Variants in SAR1A observed in about 807,000 individuals in gnomAD.
SAR1A encodes the protein secretion associated Ras related GTPase 1A.
In SAR1A, 6 loss-of-function variants were observed where a neutral mutation model predicts 22.6. The ratio of observed to expected loss-of-function variants is 0.27; its 90% confidence interval spans 0.15 to 0.52. SAR1A has a LOEUF of 0.52. SAR1A is among the 20% of genes least tolerant of loss of function. The pLI, the probability that SAR1A is intolerant of heterozygous loss-of-function variation, is 0.96. For synonymous variants in SAR1A, 70 were observed against 82.2 expected, an observed-to-expected ratio of 0.85 and a Z score of 0.80; for missense variants, 145 against 245.1, an observed-to-expected ratio of 0.59 and a Z score of 2.73.
rs75116230 is a variant in SAR1A at position 70,148,819 on chromosome 10, T to A, written c.*3657A>T. The A allele has an allele frequency of 0.041, 5,527 of 135,246 alleles. 126 individuals carry two copies. Among genetic ancestry groups the A allele is most frequent in the East Asian group, 0.083 (349 of 4,180 alleles). 8.4% of individuals were successfully genotyped at this position (135,246 alleles called of 1,614,324 possible). The stretch of plus-strand genomic sequence containing the variant: ...CAAACAAACAAACAAACAAACAAAC[T>A]TTCTCTCTCGAGTCCAGTGATTCTC... On this transcript the variant is annotated 3_prime_UTR_variant, in exon 7 of 7. Coordinates refer to ENST00000373241, the MANE Select transcript of SAR1A (RefSeq NM_020150.5).
At position 70,148,917 on chromosome 10, in the gene SAR1A, AAAG is replaced by A. The variant is rs1428939457; in HGVS notation, c.*3556_*3558del. On this transcript the variant is annotated 3_prime_UTR_variant, in exon 7 of 7. Transcript: ENST00000373241. ...CTGTGTTTACAGCAGACCATGGTAA[AAAG>A]AAGTCCCAAGTCACAGCCAGAACGC... The A allele has an allele frequency of 6.6e-6, 1 of 152,334 alleles. No individual in the cohort carries two copies. The highest frequency in any genetic ancestry group is 1.9e-4 in the East Asian group (1 of 5,198). The allele number at this position is 152,334 out of a possible 1,614,324, so 9.4% of individuals were successfully genotyped here.
intron 6 of SAR1A, among the ~76,000 whole-genome samples, chr10:70,153,350 T>C (rs1268928846): frequency 1.3e-5 from 2 of 152,232 alleles, no homozygotes; most frequent in African/African-American, 4.8e-5. Context: ...ACTTGCTGTG[T>C]AGACCTGAAC....
At chr10:70,166,380 G>C (rs1177457490) in intron 1 of SAR1A, among the ~76,000 whole-genome samples, 1 of 152,184 alleles carries the variant, frequency 6.6e-6, no homozygotes, top group African/African-American at 2.4e-5. Flanking sequence ...GAATCAGAAT[G>C]CCACTTAGAT....
chr10:70,157,387 G>C, intron 5 of SAR1A, among the ~76,000 whole-genome samples: 1 of 136,670 alleles, frequency 7.3e-6, no homozygotes, highest in African/African-American at 2.9e-5. Flanking sequence ...CTGGGCAACA[G>C]AGCAAGACTC....
At chr10:70,166,080 T>C (rs988771982) in intron 1 of SAR1A, among the ~76,000 whole-genome samples, 2 of 152,220 alleles carry the variant, frequency 1.3e-5, no homozygotes, top group Non-Finnish European at 2.9e-5. Flanking sequence ...TTAAATAAGG[T>C]ACGTATTTTC....
At chr10:70,159,085 C>T (rs1374009948) in intron 4 of SAR1A, among the ~76,000 whole-genome samples, 1 of 152,070 alleles carries the variant, frequency 6.6e-6, no homozygotes, top group African/African-American at 2.4e-5. Context: ...GTGGAAGCAG[C>T]AGAAAGGACA....
At chr10:70,167,186 G>A (rs1196319408) in intron 1 of SAR1A, among the ~76,000 whole-genome samples, 1 of 151,984 alleles carries the variant, frequency 6.6e-6, no homozygotes, top group Non-Finnish European at 1.5e-5. Flanking sequence ...AAATTAAGAG[G>A]GTAGGATCTA....
chr10:70,159,556 G>A (rs1839440381), intron 4 of SAR1A, among the ~76,000 whole-genome samples: 1 of 151,998 alleles, frequency 6.6e-6, no homozygotes, highest in South Asian at 2.1e-4. Flanking sequence ...AGGATTGCTT[G>A]AGCCCAGGAA....
chr10:70,159,134 C>G (rs955366081), intron 4 of SAR1A, among the ~76,000 whole-genome samples: 1 of 152,112 alleles, frequency 6.6e-6, no homozygotes, highest in African/African-American at 2.4e-5. Flanking sequence ...AAAATACAAG[C>G]TCCTTACAGA....
chr10:70,158,069 T>G (rs577294860), intron 4 of SAR1A, among the ~76,000 whole-genome samples: 137 of 152,326 alleles, frequency 9.0e-4, no homozygotes, highest in African/African-American at 3.2e-3. Context: ...TTTTGTAAAT[T>G]TGAAAATCAG....
intron 1 of SAR1A, chr10:70,163,741 A>G: frequency 1.1e-6 from 1 of 926,554 alleles, no homozygotes; most frequent in Non-Finnish European, 1.8e-6. Flanking sequence ...TTTTTTCACT[A>G]TTTGACAAAG....
intron 1 of SAR1A, chr10:70,163,650 G>A (rs77770967): frequency 0.027 from 19,844 of 740,852 alleles, 379 homozygotes; most frequent in Non-Finnish European, 0.037. Context: ...GAGTGGTTGT[G>A]TGGTTGCGTC....
chr10:70,153,741 T>A, intron 6 of SAR1A, 97 bp downstream of exon 6: 1 of 1,017,522 alleles, frequency 9.8e-7, no homozygotes, highest in Non-Finnish European at 1.4e-6. Flanking sequence ...TAAGCCTGTT[T>A]AAGCCTTTAA....
At chr10:70,160,897 A>G (rs948422863) in intron 4 of SAR1A, 107 bp downstream of exon 4, 2 of 685,188 alleles carry the variant, frequency 2.9e-6, no homozygotes, top group Non-Finnish European at 5.0e-6. Flanking sequence ...CTAATTCTAA[A>G]ATGTAAGTAA....
chr10:70,165,264 CAAAAAAAAA>C (rs34191043), intron 1 of SAR1A, among the ~76,000 whole-genome samples: 4 of 92,918 alleles, frequency 4.3e-5, no homozygotes, highest in Non-Finnish European at 6.4e-5. Flanking sequence ...GACTCCGTCT[CAAAAAAAAA>C]AAAAAAAAAA....
intron 1 of SAR1A, chr10:70,164,160 G>A (rs1336340795): frequency 1.5e-6 from 1 of 665,794 alleles, no homozygotes. Flanking sequence ...TAAATTTCTT[G>A]CACAAAACTG....
intron 4 of SAR1A, among the ~76,000 whole-genome samples, chr10:70,160,673 T>C (rs948474229): frequency 6.6e-6 from 1 of 152,194 alleles, no homozygotes; most frequent in South Asian, 2.1e-4. Flanking sequence ...TCCTGCTTTG[T>C]AAAAATTTTC....
chr10:70,166,083 G>GTATTTTCTAAGA (rs1564572115), intron 1 of SAR1A, among the ~76,000 whole-genome samples: 1 of 152,226 alleles, frequency 6.6e-6, no homozygotes, highest in Non-Finnish European at 1.5e-5. Context: ...AATAAGGTAC[G>GTATTTTCTAAGA]TATTTTCTAA....
At chr10:70,155,613 A>C (rs1839378330) in intron 5 of SAR1A, among the ~76,000 whole-genome samples, 1 of 152,062 alleles carries the variant, frequency 6.6e-6, no homozygotes, top group Non-Finnish European at 1.5e-5. Flanking sequence ...AGAGAACTAT[A>C]AAAAAATCAA....
Sources: allele counts gnomAD v4.1 joint callset (sites outside exome capture counted in the v4.1 genomes callset), GRCh38; gene constraint gnomAD v4.1.1; transcripts MANE v1.5; gene names NCBI Gene and HGNC (gene_info 2026-07-23, HGNC 2026-07-21).